Variants in CDH23 observed in about 807,000 individuals in gnomAD.
CDH23 encodes the protein cadherin-23.
CDH23 carries 189 observed loss-of-function variants against 317.1 expected under a neutral mutation model. That is an observed-to-expected ratio of 0.60 (90% CI 0.53 to 0.67). CDH23 has a LOEUF of 0.67. CDH23 is among the 30% of genes least tolerant of loss of function. CDH23 has a pLI of 0.00. For missense variants in CDH23, 4,401 were observed against 4,592.4 expected, an observed-to-expected ratio of 0.96 and a Z score of 1.20; for synonymous variants, 1,839 against 1,876.8, an observed-to-expected ratio of 0.98 and a Z score of 0.52.
chr10:71,677,123 C>T lies in CDH23; in HGVS notation c.1515-333C>T, dbSNP rs12265715. ...GTGCAAAACGATCTGGGTTGGCACA[C>T]GTTTTTACCCTCACAGTTCTCCAGC... On this transcript the variant is annotated intron_variant, in intron 15 of 69. Coordinates refer to ENST00000224721, the MANE Select transcript of CDH23 (RefSeq NM_022124.6). 0.028 allele frequency among the ~76,000 whole-genome samples: 4,194 copies of T among 152,212 alleles called. 184 individuals are homozygous for T. The highest frequency in any genetic ancestry group is 0.093 in the African/African-American group (3,856 of 41,516).
chr10:71,643,707 G>A (rs896898402), intron 11 of CDH23, among the ~76,000 whole-genome samples, 154 bp from the exon 12 acceptor site: 10 of 152,178 alleles, frequency 6.6e-5, no homozygotes, highest in Admixed American at 5.2e-4. Flanking sequence ...ATCAGAGGCT[G>A]GGGACAGCTG....
intron 11 of CDH23, among the ~76,000 whole-genome samples, chr10:71,623,623 G>A (rs1352189323): frequency 1.3e-5 from 2 of 152,212 alleles, no homozygotes; most frequent in Non-Finnish European, 2.9e-5. Flanking sequence ...CCACACGGGA[G>A]ACACTCCCCA....
intron 9 of CDH23, among the ~76,000 whole-genome samples, chr10:71,595,818 A>G (rs1432942127): frequency 6.6e-6 from 1 of 152,114 alleles, no homozygotes; most frequent in Non-Finnish European, 1.5e-5. Context: ...ACTGCCAGCA[A>G]TTGGCACCAA....
rs1438217326 is a variant in CDH23 at position 71,807,425 on chromosome 10, A to T, written c.8308+19A>T. ...ATCGCAGGTGGGGCCAGACAGAGCT[A>T]GTGCCCTGATTACCCTGGGGCTAGA... On this transcript the variant is annotated intron_variant, in intron 58 of 69. Transcript: ENST00000224721. The T allele has an allele frequency of 6.2e-7, 1 of 1,613,616 alleles. No individual in the cohort carries two copies. Among genetic ancestry groups the T allele is most frequent in the South Asian group, 1.1e-5 (1 of 91,072 alleles).
chr10:71,408,309 C>A (rs1366156995), intron 1 of CDH23, among the ~76,000 whole-genome samples: 1 of 152,160 alleles, frequency 6.6e-6, no homozygotes, highest in Admixed American at 6.5e-5. Context: ...CATGAGCTCT[C>A]ACACTTATTC....
chr10:71,678,010 G>A (rs1361369774), intron 16 of CDH23, among the ~76,000 whole-genome samples: 4 of 152,220 alleles, frequency 2.6e-5, no homozygotes, highest in African/African-American at 9.7e-5. Context: ...ATACTGCACA[G>A]ATTTCAGAGT....
intron 10 of CDH23, among the ~76,000 whole-genome samples, chr10:71,616,190 G>A (rs1270203909): frequency 2.6e-5 from 4 of 152,362 alleles, no homozygotes; most frequent in Admixed American, 6.5e-5. Flanking sequence ...TGAGAAACCC[G>A]TTTAGGGGTA....
chr10:71,622,199 TG>T (rs1235598408), intron 11 of CDH23, among the ~76,000 whole-genome samples: 4 of 152,212 alleles, frequency 2.6e-5, no homozygotes, highest in Non-Finnish European at 4.4e-5. Flanking sequence ...CTCACCCACC[TG>T]GAGTCCTATA....
intron 11 of CDH23, among the ~76,000 whole-genome samples, chr10:71,627,446 G>A (rs961411534): frequency 7.2e-5 from 11 of 152,150 alleles, no homozygotes; most frequent in South Asian, 2.1e-4. Context: ...TCCTCCCAGC[G>A]TGCTAAGCTC....
chr10:71,760,544 C>T (rs1840352732), intron 38 of CDH23: 2 of 245,074 alleles, frequency 8.2e-6, no homozygotes, highest in Non-Finnish European at 1.6e-5. Flanking sequence ...CCATAGGGGG[C>T]TGGTGGGCAG....
At position 71,739,749 on chromosome 10, in the gene CDH23, G is replaced by T; in HGVS notation, c.4465G>T (p.Glu1489Ter). Residue 1489 changes from glutamate to a stop codon, truncating the protein, a stop_gained, in exon 36 of 70, where the codon GAG (glutamate) becomes TAG (stop). Transcript: ENST00000224721. LOFTEE classifies it high-confidence loss of function. ...VFVARPLDRE[E>*]LDHYILQVVA... Reference sequence around the variant, plus strand: ...TGTGGCCAGGCCCCTGGACAGAGAAGAGCTGGATCACTACATCCTCCAGGT... The same window carrying T: ...TGTGGCCAGGCCCCTGGACAGAGAATAGCTGGATCACTACATCCTCCAGGT... 6.2e-7 allele frequency: 1 copy of T among 1,612,574 alleles called. No individual in the cohort carries two copies. The highest frequency in any genetic ancestry group is 1.1e-5 in the South Asian group (1 of 91,018).
chr10:71,801,384 C>A (rs7091286), intron 53 of CDH23, among the ~76,000 whole-genome samples: 3 of 151,912 alleles, frequency 2.0e-5, no homozygotes, highest in Admixed American at 2.0e-4. Context: ...GAACTCCCGA[C>A]CTCAGGTGAT....
At chr10:71,494,172 A>G (rs952362118) in intron 3 of CDH23, among the ~76,000 whole-genome samples, 8 of 152,212 alleles carry the variant, frequency 5.3e-5, no homozygotes, top group African/African-American at 9.7e-5. Flanking sequence ...CAAGCTCATC[A>G]TAACTGTGTG....
chr10:71,699,043 A>G (rs1440229117), intron 22 of CDH23, among the ~76,000 whole-genome samples: 2 of 152,252 alleles, frequency 1.3e-5, no homozygotes, highest in African/African-American at 4.8e-5. Context: ...GCACTGGCAC[A>G]TGGGGAGTGG....
At chr10:71,572,654 G>A (rs1857897545) in intron 8 of CDH23, among the ~76,000 whole-genome samples, 1 of 152,118 alleles carries the variant, frequency 6.6e-6, no homozygotes, top group African/African-American at 2.4e-5. Context: ...TTTGTTCCCA[G>A]TTCACTCTCT....
intron 38 of CDH23, among the ~76,000 whole-genome samples, chr10:71,770,695 A>G (rs1840665489): frequency 6.6e-6 from 1 of 152,150 alleles, no homozygotes; most frequent in Admixed American, 6.5e-5. Context: ...CTAACACCCC[A>G]TACACTGTGT....
rs367978947 is a variant in CDH23 at position 71,741,839 on chromosome 10, G to A, written c.4763G>A (p.Arg1588Gln). 17 of 1,610,816 alleles carry A rather than the reference G, an allele frequency of 1.1e-5. No individual in the cohort carries two copies. Among genetic ancestry groups the A allele is most frequent in the African/African-American group, 8.0e-5 (6 of 74,892 alleles). ...MDRISGEIAT[R>Q]PAPPDRERQS... ...CGCATCAGCGGTGAGATCGCCACAC[G>A]GCCTGCCCCGCCTGACCGCGAGCGC... Residue 1588 changes from arginine (R) to glutamine (Q), a missense_variant, in exon 38 of 70, where the codon CGG becomes CAG. This residue lies in a region of CDH23 where 3,068 missense variants were observed against 3,203.3 expected (regional missense o/e 0.96). Transcript: ENST00000224721.
chr10:71,708,209 G>A (rs577799127), intron 26 of CDH23, among the ~76,000 whole-genome samples: 12 of 152,270 alleles, frequency 7.9e-5, no homozygotes, highest in Non-Finnish European at 1.0e-4. Flanking sequence ...GCTTTCCCTA[G>A]GGGCAAACCA....
chr10:71,702,156 C>T lies in CDH23; in HGVS notation c.2532C>T (p.Asn844=), dbSNP rs756454038. The T allele has an allele frequency of 6.2e-7, 1 of 1,613,904 alleles. No homozygotes were observed. The highest frequency in any genetic ancestry group is 8.5e-7 in the Non-Finnish European group (1 of 1,179,882). Residue 844 remains asparagine, a synonymous_variant, in exon 23 of 70, where the codon AAC becomes AAT. Transcript: ENST00000224721. The part of the protein sequence containing the change: ...RTTHAMLDRE[N]PDPHEAELMR... ...CCCACGCCATGCTGGACCGGGAGAACCCCGACCCCCATGAGGCCGAGCTGA... is the reference window on the plus strand; with the variant it reads ...CCCACGCCATGCTGGACCGGGAGAATCCCGACCCCCATGAGGCCGAGCTGA...
Sources: allele counts gnomAD v4.1 joint callset (sites outside exome capture counted in the v4.1 genomes callset), GRCh38; gene constraint gnomAD v4.1.1; regional missense constraint gnomAD v4.1.1; transcripts MANE v1.5; gene names NCBI Gene and HGNC (gene_info 2026-07-23, HGNC 2026-07-21).